The following ASCC3 variants were observed in gnomAD, a reference collection of about 807,000 sequenced individuals.
ASCC3 encodes activating signal cointegrator 1 complex subunit 3.
In ASCC3, 158 loss-of-function variants were observed where a neutral mutation model predicts 256.3. That is an observed-to-expected ratio of 0.62 (90% CI 0.54 to 0.70). The LOEUF (loss-of-function observed/expected upper bound fraction) is 0.70, where lower values mean the gene tolerates loss of function less well. ASCC3 is among the 30% of genes least tolerant of loss of function. The probability of loss-of-function intolerance (pLI) is 0.00; values close to 1 mark genes in which losing one functional copy is unlikely to be tolerated. For synonymous variants in ASCC3, 948 were observed against 883.4 expected, an observed-to-expected ratio of 1.07 and a Z score of -1.30; for missense variants, 2,259 against 2,626.0, an observed-to-expected ratio of 0.86 and a Z score of 3.05.
intron 8 of ASCC3, among the ~76,000 whole-genome samples, chr6:100,797,245 T>C (rs539614027): frequency 2.5e-4 from 38 of 150,978 alleles, no homozygotes; most frequent in East Asian, 2.0e-3. Context: ...ATGTCAGGAG[T>C]TCAAGACCAG....
chr6:100,795,829 T>C (rs930592966), intron 8 of ASCC3, among the ~76,000 whole-genome samples: 1 of 152,110 alleles, frequency 6.6e-6, no homozygotes. Context: ...TCATCTTCAA[T>C]AGCACTTTCT....
intron 3 of ASCC3, among the ~76,000 whole-genome samples, chr6:100,851,865 C>A (rs1425454055): frequency 1.3e-5 from 2 of 152,102 alleles, no homozygotes; most frequent in East Asian, 3.9e-4. Flanking sequence ...TTTTTCAGGG[C>A]GCTAAAACAT....
chr6:100,608,189 T>TATATAGATATATATAA (rs1773080769), intron 30 of ASCC3, among the ~76,000 whole-genome samples: 1 of 106,508 alleles, frequency 9.4e-6, no homozygotes, highest in Non-Finnish European at 1.7e-5. Context: ...TGTGTGTGTA[T>TATATAGATATATATAA]ATATATACTT....
chr6:100,589,706 A>T lies in ASCC3; in HGVS notation c.5478T>A (p.His1826Gln). Residue 1826 changes from histidine (H) to glutamine (Q), a missense_variant, in exon 36 of 42, where the codon CAT (histidine) becomes CAA (glutamine). Physicochemically the swap from His to Gln is conservative, Grantham distance 24. Coordinates refer to ENST00000369162, the MANE Select transcript of ASCC3 (RefSeq NM_006828.4). Reference protein sequence around the residue: ...GRIASYYYLKHQTVKMFKDRL... With the variant: ...GRIASYYYLKQQTVKMFKDRL... ...GGTCCTTGAACATTTTAACTGTTTG[A>T]TGCTTCAAATAGTAATAGGAGGCAA... 1 of 1,613,848 alleles carries T rather than the reference A, an allele frequency of 6.2e-7. No individual in the cohort carries two copies.
chr6:100,511,403 A>T (rs1006246124), intron 40 of ASCC3, among the ~76,000 whole-genome samples: 1 of 152,084 alleles, frequency 6.6e-6, no homozygotes, highest in African/African-American at 2.4e-5. Context: ...GGATAACATA[A>T]GTGAAATTCC....
intron 36 of ASCC3, among the ~76,000 whole-genome samples, chr6:100,582,325 G>A (rs1771334461): frequency 6.6e-6 from 1 of 151,864 alleles, no homozygotes. Context: ...TGGATTCCTA[G>A]GTATTTTATT....
chr6:100,868,436 C>A (rs768437487), intron 1 of ASCC3, among the ~76,000 whole-genome samples: 4 of 152,124 alleles, frequency 2.6e-5, no homozygotes, highest in African/African-American at 7.2e-5. Context: ...AATGGTTTCC[C>A]TTGATGTTCG....
At position 100,751,655 on chromosome 6, in the gene ASCC3, G is replaced by C. The variant is rs558215547; in HGVS notation, c.1737+14910C>G. Among the ~76,000 whole-genome samples the C allele has an allele frequency of 1.1e-4, 16 of 152,102 alleles. No individual in the cohort carries two copies. The East Asian group carries it at 2.9e-3, about 28-fold the overall frequency. On this transcript the variant is annotated intron_variant, in intron 10 of 41. Coordinates refer to ENST00000369162, the MANE Select transcript of ASCC3 (RefSeq NM_006828.4). ...AAAAACATTAATGTGTTTGATTATA[G>C]GGAGCTGCTCAAGACCGCATTGTAA...
At chr6:100,867,816 A>C in intron 2 of ASCC3, 92 bp downstream of exon 2, 1 of 1,109,104 alleles carries the variant, frequency 9.0e-7, no homozygotes, top group Non-Finnish European at 1.3e-6. Context: ...CTTCCATGTT[A>C]ACCACATAGA....
intron 13 of ASCC3, among the ~76,000 whole-genome samples, chr6:100,703,597 T>G (rs758092514): frequency 2.0e-5 from 3 of 151,954 alleles, no homozygotes; most frequent in Non-Finnish European, 4.4e-5. Flanking sequence ...ACTACTAAAT[T>G]TATAATTATA....
At chr6:100,706,910 A>T (rs769235483) in intron 13 of ASCC3, among the ~76,000 whole-genome samples, 1 of 152,102 alleles carries the variant, frequency 6.6e-6, no homozygotes, top group Non-Finnish European at 1.5e-5. Flanking sequence ...AGATGATTGC[A>T]TTAATGTAAA....
At chr6:100,646,843 A>G in intron 21 of ASCC3, 74 bp from the exon 22 acceptor site, 1 of 1,437,668 alleles carries the variant, frequency 7.0e-7, no homozygotes, top group Non-Finnish European at 9.7e-7. Flanking sequence ...TGTAAATGGG[A>G]TTTCAGAGAA....
Position 100,767,174 on chromosome 6 carries a change from G to T in ASCC3, c.1567C>A (p.Gln523Lys). Reference sequence around the variant, plus strand: ...AATTCATTCTTTTTGATAACACCTTGTTGAAAATGTTGGCGAATTTCATGC... The same window carrying T: ...AATTCATTCTTTTTGATAACACCTTTTTGAAAATGTTGGCGAATTTCATGC... Reference protein sequence around the residue: ...VLHEIRQHFQQGVIKKNEFKI... With the variant: ...VLHEIRQHFQKGVIKKNEFKI... Residue 523 changes from glutamine (Q) to lysine (K), a missense_variant, in exon 9 of 42, where the codon CAA becomes AAA. Transcript: ENST00000369162. The T allele has an allele frequency of 6.2e-7, 1 of 1,614,042 alleles. No homozygotes were observed. Among genetic ancestry groups the T allele is most frequent in the Non-Finnish European group, 8.5e-7 (1 of 1,179,992 alleles).
intron 4 of ASCC3, among the ~76,000 whole-genome samples, chr6:100,809,527 A>G (rs1770357181): frequency 6.6e-6 from 1 of 152,084 alleles, no homozygotes; most frequent in Non-Finnish European, 1.5e-5. Flanking sequence ...TCACTGACCA[A>G]AACATCCTTA....
intron 23 of ASCC3, among the ~76,000 whole-genome samples, chr6:100,643,166 C>T (rs891154923): frequency 1.3e-5 from 2 of 151,978 alleles, no homozygotes; most frequent in Admixed American, 1.3e-4. Context: ...TAGAAGGTAA[C>T]CAAGCAGACA....
intron 3 of ASCC3, among the ~76,000 whole-genome samples, chr6:100,850,101 A>G (rs1240918572): frequency 7.5e-6 from 1 of 132,552 alleles, no homozygotes; most frequent in African/African-American, 2.8e-5. Context: ...ACTCTATCAA[A>G]AAAAAAAAAA....
intron 10 of ASCC3, among the ~76,000 whole-genome samples, chr6:100,732,838 A>G (rs1779970934): frequency 6.6e-6 from 1 of 152,076 alleles, no homozygotes; most frequent in African/African-American, 2.4e-5. Flanking sequence ...CAAGGTCCAC[A>G]TTACTAATAT....
At chr6:100,569,583 A>G (rs890695013) in intron 36 of ASCC3, among the ~76,000 whole-genome samples, 1 of 151,904 alleles carries the variant, frequency 6.6e-6, no homozygotes, top group Non-Finnish European at 1.5e-5. Context: ...ACGGGGTTTC[A>G]CCGTGTTAGC....
intron 37 of ASCC3, among the ~76,000 whole-genome samples, chr6:100,528,047 C>T (rs1459854694): frequency 6.6e-6 from 1 of 151,754 alleles, no homozygotes; most frequent in Non-Finnish European, 1.5e-5. Context: ...TGTTGTTGCC[C>T]AGGCTGTTCT....
Sources: allele counts gnomAD v4.1 joint callset (sites outside exome capture counted in the v4.1 genomes callset), GRCh38; gene constraint gnomAD v4.1.1; transcripts MANE v1.5; gene names NCBI Gene and HGNC (gene_info 2026-07-23, HGNC 2026-07-21).